Variants in PTPRT observed in about 807,000 individuals in gnomAD.
PTPRT encodes protein tyrosine phosphatase receptor type T.
PTPRT carries 56 observed loss-of-function variants against 176.8 expected under a neutral mutation model. The ratio of observed to expected loss-of-function variants is 0.32; its 90% CI spans 0.26 to 0.40. The LOEUF is 0.40. PTPRT is among the 10% of genes least tolerant of loss of function. The pLI is 1.00. For missense variants in PTPRT, 1,540 were observed against 1,908.2 expected, an observed-to-expected ratio of 0.81 and a Z score of 3.60; for synonymous variants, 783 against 739.0, an observed-to-expected ratio of 1.06 and a Z score of -0.96.
chr20:42,305,332 C>T (rs1286173355), intron 12 of PTPRT, among the ~76,000 whole-genome samples: 2 of 151,412 alleles, frequency 1.3e-5, no homozygotes, highest in African/African-American at 4.9e-5. Context: ...GCCTGGGCAA[C>T]AGAGTGTGAC....
At chr20:42,157,362 T>TG (rs397818163) in intron 17 of PTPRT, among the ~76,000 whole-genome samples, 7 of 151,524 alleles carry the variant, frequency 4.6e-5, no homozygotes, top group Non-Finnish European at 8.8e-5. Context: ...TTTTTTTTTT[T>TG]GGAGATGGAG....
At chr20:42,358,411 A>T (rs570133477) in intron 9 of PTPRT, among the ~76,000 whole-genome samples, 1 of 152,118 alleles carries the variant, frequency 6.6e-6, no homozygotes, top group Non-Finnish European at 1.5e-5. Flanking sequence ...GGAACCTACA[A>T]TTTGGTGAGG....
At chr20:42,547,530 G>A (rs933909245) in intron 7 of PTPRT, among the ~76,000 whole-genome samples, 7 of 151,994 alleles carry the variant, frequency 4.6e-5, no homozygotes, top group Non-Finnish European at 7.4e-5. Flanking sequence ...ATCATTAATT[G>A]ACAGATAAAA....
chr20:42,925,991 G>A (rs1378692199), intron 1 of PTPRT, among the ~76,000 whole-genome samples: 1 of 152,158 alleles, frequency 6.6e-6, no homozygotes, highest in Non-Finnish European at 1.5e-5. Flanking sequence ...TCTTCTGGAA[G>A]CCCCCTCTAA....
At chr20:42,427,142 C>A (rs771816814) in intron 9 of PTPRT, among the ~76,000 whole-genome samples, 12 of 152,134 alleles carry the variant, frequency 7.9e-5, no homozygotes, top group Non-Finnish European at 1.8e-4. Context: ...ATTTGAAAGC[C>A]ATTGATTTAG....
intron 6 of PTPRT, chr20:42,686,457 C>CTTTTTTTT (rs71193668): frequency 3.8e-5 from 3 of 78,314 alleles, no homozygotes; most frequent in Non-Finnish European, 7.0e-5. Flanking sequence ...ATAGTGCACT[C>CTTTTTTTT]TTTTTTTTTT....
intron 6 of PTPRT, among the ~76,000 whole-genome samples, chr20:42,750,386 G>A (rs1600696849): frequency 6.6e-6 from 1 of 151,704 alleles, no homozygotes; most frequent in East Asian, 1.9e-4. Context: ...CCTCTCATAG[G>A]ACCTATTTAT....
rs1982547316 is a variant in PTPRT at position 42,074,121 on chromosome 20, T to G, written c.*6758A>C. 1 of 228,586 alleles carries G rather than the reference T, an allele frequency of 4.4e-6. No homozygotes were observed. The highest frequency in any genetic ancestry group is 8.7e-6 in the Non-Finnish European group (1 of 115,224). The allele number at this position is 228,586 out of a possible 1,614,324, so 14.2% of individuals were successfully genotyped here. ...CTGCCTGACCCCTCAGAAGCCTAAC[T>G]TTACATGGAATGACACCACTCTGCC... On this transcript the variant is annotated 3_prime_UTR_variant, in exon 31 of 31. Coordinates refer to ENST00000373187, the MANE Select transcript of PTPRT (RefSeq NM_007050.6).
At chr20:42,891,752 C>T (rs987009130) in intron 1 of PTPRT, among the ~76,000 whole-genome samples, 4 of 152,152 alleles carry the variant, frequency 2.6e-5, no homozygotes, top group East Asian at 1.9e-4. Flanking sequence ...CTAAAAGATT[C>T]GTTGGGCTCC....
chr20:42,974,130 T>C (rs898488449), intron 1 of PTPRT, among the ~76,000 whole-genome samples: 3 of 152,152 alleles, frequency 2.0e-5, no homozygotes, highest in Non-Finnish European at 4.4e-5. Context: ...CAGCAGATGC[T>C]ACCCCAGCTG....
chr20:42,817,321 A>G (rs2145640700), intron 2 of PTPRT, among the ~76,000 whole-genome samples: 1 of 152,148 alleles, frequency 6.6e-6, no homozygotes, highest in South Asian at 2.1e-4. Context: ...TGGTTTTTAA[A>G]CATGAACCCT....
rs1281729633 is a variant in PTPRT, at chr20:42,217,418, CACACACAG to C, written c.2343-18038_2343-18031del. 2.9e-3 allele frequency among the ~76,000 whole-genome samples: 264 copies of C among 89,868 alleles called. 5 individuals carry two copies. Among genetic ancestry groups the C allele is most frequent in the African/African-American group, 0.014 (237 of 16,868 alleles). 59.0% of individuals were successfully genotyped at this position (89,868 alleles called of 152,430 possible). Reference sequence around the variant, plus strand: ...ACACACACACACACACACACACACACACACACAGAACATTACGTCCATCCCCCACTCCA... The same window carrying C: ...ACACACACACACACACACACACACACAACATTACGTCCATCCCCCACTCCA... On this transcript the variant is annotated intron_variant, in intron 15 of 30. Coordinates refer to ENST00000373187, the MANE Select transcript of PTPRT (RefSeq NM_007050.6).
At chr20:42,492,878 T>C (rs961049181) in intron 7 of PTPRT, among the ~76,000 whole-genome samples, 1 of 152,220 alleles carries the variant, frequency 6.6e-6, no homozygotes, top group Non-Finnish European at 1.5e-5. Context: ...TGGAGTTCTA[T>C]ATATTAAAAT....
At chr20:42,918,544 C>T (rs139422815) in intron 1 of PTPRT, among the ~76,000 whole-genome samples, 6 of 152,258 alleles carry the variant, frequency 3.9e-5, no homozygotes, top group Admixed American at 6.5e-5. Flanking sequence ...TTTGGTTCAT[C>T]GATCAAGCCA....
chr20:42,103,945 G>GCAGA (rs1248635949), intron 25 of PTPRT, among the ~76,000 whole-genome samples: 1 of 152,210 alleles, frequency 6.6e-6, no homozygotes, highest in Non-Finnish European at 1.5e-5. Context: ...TCCTAGAGAA[G>GCAGA]CAGACACTGA....
At chr20:42,399,384 C>G (rs2058883487) in intron 9 of PTPRT, among the ~76,000 whole-genome samples, 1 of 152,212 alleles carries the variant, frequency 6.6e-6, no homozygotes, top group Non-Finnish European at 1.5e-5. Context: ...TAGCTTTAAG[C>G]TTGGGCAGCA....
chr20:42,311,404 T>C (rs1424333903), intron 12 of PTPRT, among the ~76,000 whole-genome samples: 1 of 152,174 alleles, frequency 6.6e-6, no homozygotes, highest in East Asian at 1.9e-4. Context: ...TTAACATCCA[T>C]AGAACAAAGA....
intron 1 of PTPRT, among the ~76,000 whole-genome samples, chr20:43,114,358 TG>T (rs1457426011): frequency 6.6e-6 from 1 of 152,198 alleles, no homozygotes; most frequent in Non-Finnish European, 1.5e-5. Context: ...TACTTAGCTG[TG>T]TGCCTTTGGG....
chr20:42,485,077 A>G (rs1302010689), intron 7 of PTPRT, among the ~76,000 whole-genome samples: 1 of 152,228 alleles, frequency 6.6e-6, no homozygotes, highest in Non-Finnish European at 1.5e-5. Context: ...AACAGAGGCA[A>G]AAGACTGCAG....
Sources: gnomAD v4.1 joint callset for allele counts (sites outside exome capture counted in the v4.1 genomes callset) on GRCh38, gnomAD v4.1.1 for gene constraint, MANE v1.5 for transcripts, NCBI Gene and HGNC (gene_info 2026-07-23, HGNC 2026-07-21) for gene names.